The following MED13 variants were observed in gnomAD, a reference collection of about 807,000 sequenced individuals.
MED13 encodes the protein mediator complex subunit 13.
Under a neutral mutation model 225.2 loss-of-function variants are expected in MED13, and 23 were observed. The ratio of observed to expected loss-of-function variants is 0.10; its 90% CI spans 0.07 to 0.14. The LOEUF (loss-of-function observed/expected upper bound fraction) is 0.14. Ranked by LOEUF, MED13 falls within the 10% of genes least tolerant of loss-of-function variation. The pLI is 1.00. For missense variants in MED13, 2,197 were observed against 2,594.5 expected (o/e 0.85, Z 3.33); for synonymous variants, 942 against 889.2 (o/e 1.06, Z -1.06).
intron 9 of MED13, among the ~76,000 whole-genome samples, chr17:61,996,761 C>A (rs1275742514): frequency 6.6e-6 from 1 of 152,190 alleles, no homozygotes; most frequent in Non-Finnish European, 1.5e-5. Context: ...TAGCATTTAT[C>A]TTTTAACATA....
chr17:61,968,358 C>T, intron 17 of MED13, 100 bp from the exon 18 acceptor site: 1 of 895,376 alleles, frequency 1.1e-6, no homozygotes, highest in Non-Finnish European at 1.5e-6. Context: ...CAGAGTCTCG[C>T]TCTGTCGCCC....
At chr17:62,017,842 G>A (rs2080598018) in intron 8 of MED13, among the ~76,000 whole-genome samples, 1 of 152,170 alleles carries the variant, frequency 6.6e-6, no homozygotes, top group Non-Finnish European at 1.5e-5. Context: ...TGCATATAAA[G>A]CATTTCTGCT....
chr17:62,008,631 G>C (rs1334397203), intron 9 of MED13, among the ~76,000 whole-genome samples: 3 of 151,930 alleles, frequency 2.0e-5, no homozygotes, highest in Non-Finnish European at 2.9e-5. Flanking sequence ...AAAAAAATCA[G>C]GTCATTTTCA....
At chr17:62,010,381 G>T in intron 9 of MED13, 169 bp downstream of exon 9, 1 of 434,812 alleles carries the variant, frequency 2.3e-6, no homozygotes, top group Non-Finnish European at 3.9e-6. Flanking sequence ...ATTTCATAAT[G>T]AAGAAGTTCC....
intron 28 of MED13, among the ~76,000 whole-genome samples, chr17:61,948,465 T>C (rs1345331059): frequency 2.6e-5 from 4 of 152,126 alleles, no homozygotes; most frequent in African/African-American, 7.2e-5. Context: ...ATCCTTTCCT[T>C]GTGTATTAAT....
At chr17:62,023,023 A>C (rs1489992470) in intron 8 of MED13, among the ~76,000 whole-genome samples, 1 of 152,160 alleles carries the variant, frequency 6.6e-6, no homozygotes, top group Non-Finnish European at 1.5e-5. Context: ...AATAATATTT[A>C]TGTGTTGAGA....
intron 16 of MED13, among the ~76,000 whole-genome samples, chr17:61,979,751 G>A (rs556117072): frequency 4.6e-5 from 7 of 152,180 alleles, no homozygotes; most frequent in East Asian, 1.9e-4. Context: ...TTCTCATCCC[G>A]TTCTTTTGTG....
intron 27 of MED13, 143 bp from the exon 28 acceptor site, chr17:61,951,141 C>T (rs2079893176): frequency 3.5e-6 from 2 of 574,502 alleles, no homozygotes; most frequent in Admixed American, 3.7e-5. Context: ...GAAAAAAAAC[C>T]AGTTTCTATG....
At chr17:61,981,434 A>G (rs748125038) in intron 16 of MED13, among the ~76,000 whole-genome samples, 5 of 150,612 alleles carry the variant, frequency 3.3e-5, no homozygotes, top group South Asian at 2.1e-4. Flanking sequence ...TACATGGTCT[A>G]TAAGACTCTA....
intron 8 of MED13, among the ~76,000 whole-genome samples, chr17:62,028,013 G>C (rs919557257): frequency 6.6e-6 from 1 of 151,800 alleles, no homozygotes; most frequent in East Asian, 1.9e-4. Context: ...TCCTCAAAGA[G>C]CTACAACTAC....
chr17:61,995,433 G>C (rs2080338966), intron 9 of MED13, 68 bp from the exon 10 acceptor site: 3 of 1,065,532 alleles, frequency 2.8e-6, no homozygotes. Flanking sequence ...ATGACGTTAA[G>C]TATCATAATG....
At chr17:61,963,094 T>TA in intron 20 of MED13, 123 bp from the exon 21 acceptor site, 1 of 689,998 alleles carries the variant, frequency 1.4e-6, no homozygotes, top group Non-Finnish European at 2.4e-6. Context: ...AAAGCCTCTC[T>TA]AAAAATGAAG....
chr17:62,047,093 G>C (rs1265607191), intron 3 of MED13, among the ~76,000 whole-genome samples: 5 of 151,760 alleles, frequency 3.3e-5, no homozygotes, highest in African/African-American at 9.7e-5. Flanking sequence ...GAGTTCGGCT[G>C]GGCATGGTGG....
At chr17:61,978,482 G>A (rs964553284) in intron 16 of MED13, among the ~76,000 whole-genome samples, 1 of 152,050 alleles carries the variant, frequency 6.6e-6, no homozygotes, top group Non-Finnish European at 1.5e-5. Context: ...AAACTCCTGG[G>A]TGGCTCATGC....
chr17:62,026,146 C>A (rs996524362), intron 8 of MED13, among the ~76,000 whole-genome samples: 4 of 152,242 alleles, frequency 2.6e-5, no homozygotes, highest in Non-Finnish European at 4.4e-5. Flanking sequence ...AATGCAAAAG[C>A]CTATGATCTA....
chr17:61,949,069 C>CAGAGCAAG (rs1241815221), intron 28 of MED13, among the ~76,000 whole-genome samples: 1 of 147,306 alleles, frequency 6.8e-6, no homozygotes, highest in Admixed American at 6.8e-5. Context: ...GCCTGGGCGA[C>CAGAGCAAG]AGAGCGAGAC....
rs2079842127 is a variant in MED13, at chr17:61,945,062, A to G, written c.*1406T>C. On this transcript the variant is annotated 3_prime_UTR_variant, in exon 30 of 30. Coordinates refer to ENST00000397786, the MANE Select transcript of MED13 (RefSeq NM_005121.3). ...ACCTTAATCTGAGCTGTGTTATAGA[A>G]AAGTACAGACTCTGGTGTTTGGGAC... 6.6e-6 allele frequency: 1 copy of G among 152,632 alleles called. No individual in the cohort carries two copies. Among genetic ancestry groups the G allele is most frequent in the African/African-American group, 2.4e-5 (1 of 41,448 alleles). The allele number at this position is 152,632 out of a possible 1,614,324, so 9.5% of individuals were successfully genotyped here.
intron 9 of MED13, among the ~76,000 whole-genome samples, chr17:61,999,466 A>T (rs2080375245): frequency 6.6e-6 from 1 of 152,212 alleles, no homozygotes; most frequent in African/African-American, 2.4e-5. Context: ...CTTAGCCTCT[A>T]TTCTGAAATA....
chr17:61,949,075 G>C (rs1238011195), intron 28 of MED13, among the ~76,000 whole-genome samples: 1 of 149,204 alleles, frequency 6.7e-6, no homozygotes, highest in Admixed American at 6.7e-5. Context: ...GCGACAGAGC[G>C]AGACTCCGTC....
Sources: gnomAD v4.1 joint callset for allele counts (sites outside exome capture counted in the v4.1 genomes callset) on GRCh38, gnomAD v4.1.1 for gene constraint, MANE v1.5 for transcripts, NCBI Gene and HGNC (gene_info 2026-07-23, HGNC 2026-07-21) for gene names.